RAB10: variants seen among roughly 807,000 people sequenced by gnomAD.
RAB10 encodes RAB10, member RAS oncogene family.
A neutral mutation model predicts 25.7 loss-of-function variants in RAB10; 5 were observed. The observed-to-expected ratio is 0.19, with a 90% confidence interval of 0.10 to 0.41. The LOEUF (loss-of-function observed/expected upper bound fraction) is 0.41. RAB10 is among the 10% of genes least tolerant of loss of function. The pLI is 1.00. For synonymous variants in RAB10, 89 were observed against 86.4 expected, an observed-to-expected ratio of 1.03 and a Z score of -0.16; for missense variants, 103 against 245.8, an observed-to-expected ratio of 0.42 and a Z score of 3.89.
chr2:26,136,273 CAGGA>C lies in RAB10; in HGVS notation c.*1257_*1260del, dbSNP rs1668111044. Reference sequence around the variant, plus strand: ...GGTTGTTTTTTTAAAAAAGGAAAAGCAGGAAGGAGGAGTGAATTTTATTAACATG... The same window carrying C: ...GGTTGTTTTTTTAAAAAAGGAAAAGCAGGAGGAGTGAATTTTATTAACATG... On this transcript the variant is annotated 3_prime_UTR_variant, in exon 6 of 6. Transcript: ENST00000264710. The C allele has an allele frequency of 6.6e-6, 1 of 152,566 alleles. No homozygotes were observed. Among genetic ancestry groups the C allele is most frequent in the Non-Finnish European group, 1.5e-5 (1 of 68,034 alleles). The allele number at this position is 152,566 out of a possible 1,614,324, so 9.5% of individuals were successfully genotyped here.
rs183374896 is a variant in RAB10 at position 26,135,689 on chromosome 2, T to A, written c.*668T>A. Reference sequence around the variant, plus strand: ...TTGAGGACAAAGGGTAATGCAGAAGTGATAGCTTTGGTTTGCTGAGTCTTG... The same window carrying A: ...TTGAGGACAAAGGGTAATGCAGAAGAGATAGCTTTGGTTTGCTGAGTCTTG... On this transcript the variant is annotated 3_prime_UTR_variant, in exon 6 of 6. Transcript: ENST00000264710. 2 of 152,768 alleles carry A rather than the reference T, an allele frequency of 1.3e-5. No individual in the cohort carries two copies. Among genetic ancestry groups the A allele is most frequent in the African/African-American group, 4.8e-5 (2 of 41,582 alleles). The allele number at this position is 152,768 out of a possible 1,614,324, so 9.5% of individuals were successfully genotyped here.
intron 1 of RAB10, among the ~76,000 whole-genome samples, chr2:26,036,010 TG>T (rs1574520908): frequency 1.3e-5 from 2 of 152,324 alleles, no homozygotes; most frequent in South Asian, 2.1e-4. Context: ...ACTGTTTTCT[TG>T]GTCTGTCATA....
At chr2:26,111,516 AT>A (rs1667571411) in intron 3 of RAB10, among the ~76,000 whole-genome samples, 1 of 151,940 alleles carries the variant, frequency 6.6e-6, no homozygotes, top group Admixed American at 6.6e-5. Context: ...AGGCAGGAGA[AT>A]CGCTTGAACC....
intron 1 of RAB10, among the ~76,000 whole-genome samples, chr2:26,071,773 G>A (rs182819599): frequency 7.5e-4 from 114 of 152,200 alleles, no homozygotes; most frequent in African/African-American, 2.6e-3. Flanking sequence ...AGGCTGAAGC[G>A]GGAGGATTGT....
intron 1 of RAB10, among the ~76,000 whole-genome samples, chr2:26,052,582 G>A (rs1197612576): frequency 4.0e-5 from 6 of 151,132 alleles, no homozygotes; most frequent in African/African-American, 1.5e-4. Flanking sequence ...CACCTGCCTC[G>A]AATCTGGGGA....
chr2:26,124,687 C>T (rs1246060909), intron 3 of RAB10, among the ~76,000 whole-genome samples: 1 of 151,968 alleles, frequency 6.6e-6, no homozygotes, highest in Non-Finnish European at 1.5e-5. Context: ...TGTTGTGCAA[C>T]CGTCACCACC....
rs551831911 is a variant in RAB10, at chr2:26,063,477, A to C, written c.127+28742A>C. On this transcript the variant is annotated intron_variant, in intron 1 of 5. Transcript: ENST00000264710. ...TGAAAATTTGAAAAGTAAGCTACAG[A>C]TGTTTTGACACTTCATCTCTAAATA... Among the ~76,000 whole-genome samples the C allele has an allele frequency of 2.6e-5, 4 of 152,194 alleles. No individual in the cohort carries two copies. The South Asian group carries it at 8.3e-4, about 32-fold the overall frequency.
intron 1 of RAB10, among the ~76,000 whole-genome samples, chr2:26,069,614 C>T (rs189333983): frequency 9.4e-4 from 143 of 152,000 alleles, no homozygotes; most frequent in Non-Finnish European, 1.4e-3. Flanking sequence ...TGCAGTGAGC[C>T]CAGATCGCAC....
chr2:26,114,239 A>G (rs368565546), intron 3 of RAB10, among the ~76,000 whole-genome samples: 20 of 152,246 alleles, frequency 1.3e-4, no homozygotes, highest in African/African-American at 4.8e-4. Context: ...TGACAAATTG[A>G]CCCTAAAACT....
intron 1 of RAB10, among the ~76,000 whole-genome samples, chr2:26,087,416 T>C (rs532675113): frequency 1.3e-5 from 2 of 152,328 alleles, no homozygotes; most frequent in East Asian, 1.9e-4. Flanking sequence ...GTGTTACTAT[T>C]ATTATGACGA....
At position 26,131,277 on chromosome 2, in the gene RAB10, GA is replaced by G. The variant is rs531422193; in HGVS notation, c.519+3335del. ...TACTAACCATAGCTTGTACGCTAAA[GA>G]AAAAAAAATCACACACAACAAATCT... On this transcript the variant is annotated intron_variant, in intron 5 of 5. Transcript: ENST00000264710. Among the ~76,000 whole-genome samples the G allele has an allele frequency of 4.7e-4, 71 of 151,126 alleles. 2 individuals are homozygous for G. In the South Asian group the frequency reaches 0.013, roughly 27 times the overall value.
chr2:26,128,566 T>C (rs1029554021), intron 5 of RAB10, among the ~76,000 whole-genome samples: 1 of 151,964 alleles, frequency 6.6e-6, no homozygotes, highest in Non-Finnish European at 1.5e-5. Context: ...CTTGGACTCA[T>C]TTCGCTTAAT....
intron 1 of RAB10, among the ~76,000 whole-genome samples, chr2:26,037,739 C>T (rs913825141): frequency 2.0e-5 from 3 of 152,074 alleles, no homozygotes; most frequent in African/African-American, 7.2e-5. Context: ...GGTGCCAGGA[C>T]CAGGCACTTT....
chr2:26,076,396 C>T (rs1429540405), intron 1 of RAB10, among the ~76,000 whole-genome samples: 1 of 152,090 alleles, frequency 6.6e-6, no homozygotes, highest in African/African-American at 2.4e-5. Context: ...TAGTTTGTAA[C>T]CTGACACCAT....
chr2:26,047,502 G>C (rs1182014378), intron 1 of RAB10, among the ~76,000 whole-genome samples: 1 of 152,090 alleles, frequency 6.6e-6, no homozygotes, highest in African/African-American at 2.4e-5. Context: ...TGCAACCTCT[G>C]CCTCCCAGGT....
intron 3 of RAB10, among the ~76,000 whole-genome samples, chr2:26,118,704 A>G (rs1054948382): frequency 6.6e-5 from 10 of 152,294 alleles, no homozygotes; most frequent in Non-Finnish European, 1.3e-4. Flanking sequence ...TACAAGAAGA[A>G]TGCTAACCCA....
chr2:26,054,117 G>A (rs1487058696), intron 1 of RAB10, among the ~76,000 whole-genome samples: 5 of 144,290 alleles, frequency 3.5e-5, no homozygotes, highest in African/African-American at 2.6e-5. Context: ...GCGTGATCTC[G>A]GCTCACTGCA....
chr2:26,122,347 G>C (rs909051502), intron 3 of RAB10, among the ~76,000 whole-genome samples: 6 of 152,316 alleles, frequency 3.9e-5, no homozygotes, highest in Non-Finnish European at 5.9e-5. Context: ...CATACTTGTA[G>C]GCTGGGCGCG....
chr2:26,101,449 G>A (rs1223539894), intron 2 of RAB10: 1 of 152,326 alleles, frequency 6.6e-6, no homozygotes, highest in East Asian at 1.9e-4. Context: ...TTGGGGATGA[G>A]ATAGCTATAG....
Sources: allele counts gnomAD v4.1 joint callset (sites outside exome capture counted in the v4.1 genomes callset), GRCh38; gene constraint gnomAD v4.1.1; transcripts MANE v1.5; gene names NCBI Gene and HGNC (gene_info 2026-07-23, HGNC 2026-07-21).